Variants in PARP12 observed in about 807,000 individuals in gnomAD.
PARP12 encodes poly(ADP-ribose) polymerase family member 12.
PARP12 carries 59 observed loss-of-function variants against 72.4 expected under a neutral mutation model. The ratio of observed to expected loss-of-function variants is 0.81; its 90% confidence interval spans 0.66 to 1.01. The LOEUF (loss-of-function observed/expected upper bound fraction) is 1.01, where lower values mean the gene tolerates loss of function less well. Among genes scored for constraint, PARP12 ranks in the 50% least tolerant of loss-of-function variants. PARP12 has a pLI of 0.00. For synonymous variants in PARP12, 403 were observed against 371.4 expected (o/e 1.09, Z -0.98); for missense variants, 851 against 914.0 (o/e 0.93, Z 0.89).
intron 5 of PARP12, among the ~76,000 whole-genome samples, 155 bp from the exon 6 acceptor site, chr7:140,041,994 G>C (rs1816495731): frequency 1.3e-5 from 2 of 152,152 alleles, no homozygotes; most frequent in African/African-American, 4.8e-5. Flanking sequence ...TGCTTTTTCA[G>C]ATCAGTTTTG....
At chr7:140,047,138 T>C (rs1816764489) in intron 4 of PARP12, 131 bp from the exon 5 acceptor site, 4 of 1,047,318 alleles carry the variant, frequency 3.8e-6, no homozygotes, top group Non-Finnish European at 5.3e-6. Context: ...AGTCTGTTTT[T>C]TCAGTGCCGG....
Position 140,043,790 on chromosome 7 carries a change from C to A in PARP12, c.987-1951G>T, listed in dbSNP as rs544824417. Among the ~76,000 whole-genome samples, 191 of 152,290 alleles carry A rather than the reference C, an allele frequency of 1.3e-3. 1 individual carries two copies. Among genetic ancestry groups the A allele is most frequent in the African/African-American group, 4.4e-3 (183 of 41,542 alleles). On this transcript the variant is annotated intron_variant, in intron 5 of 11. Coordinates refer to ENST00000263549, the MANE Select transcript of PARP12 (RefSeq NM_022750.4). Reference sequence around the variant, plus strand: ...CAAGCCATCCGCCCTCCTCAGCCTCCCAAAGTGCTGGGATTACACGCGTGA... The same window carrying A: ...CAAGCCATCCGCCCTCCTCAGCCTCACAAAGTGCTGGGATTACACGCGTGA...
chr7:140,053,602 G>T (rs1161488919), intron 4 of PARP12, among the ~76,000 whole-genome samples: 1 of 151,954 alleles, frequency 6.6e-6, no homozygotes, highest in Admixed American at 6.5e-5. Flanking sequence ...CAGTAATATT[G>T]CTTTCAGAAT....
At chr7:140,027,236 G>A (rs779451515) in intron 10 of PARP12, 40 bp downstream of exon 10, 36 of 1,603,432 alleles carry the variant, frequency 2.2e-5, no homozygotes, top group Non-Finnish European at 2.9e-5. Flanking sequence ...GGTGTGAAGG[G>A]ACAGAGTCAC....
At chr7:140,026,485 T>A (rs2116511389) in intron 10 of PARP12, 137 bp from the exon 11 acceptor site, 1 of 1,078,876 alleles carries the variant, frequency 9.3e-7, no homozygotes, top group Admixed American at 4.1e-5. Context: ...CAGGCTACCC[T>A]GACTAGGCCT....
intron 6 of PARP12, among the ~76,000 whole-genome samples, chr7:140,040,896 T>C (rs10272320): frequency 0.053 from 8,048 of 152,240 alleles, 255 homozygotes; most frequent in South Asian, 0.12. Context: ...GTCTCCCGAG[T>C]AGCTGGGACC....
intron 5 of PARP12, among the ~76,000 whole-genome samples, chr7:140,045,029 C>CTT (rs71520068): frequency 2.8e-5 from 4 of 141,760 alleles, no homozygotes; most frequent in African/African-American, 2.6e-5. Context: ...GCATCTTTTT[C>CTT]TTTTTTTTTT....
chr7:140,027,377 C>G lies in PARP12; in HGVS notation c.1527G>C (p.Glu509Asp). ...QKITLSSSSE[E>D]YQKVWNLFNR... ...TAAAGAGGTTCCAGACCTTCTGATA[C>G]TCTTCCGAGGAAGAACTAAGGGTGA... Residue 509 changes from glutamate to aspartate, a missense_variant, in exon 10 of 12, where the codon GAG becomes GAC. Transcript: ENST00000263549. 6.2e-7 allele frequency: 1 copy of G among 1,614,072 alleles called. No homozygotes were observed. The highest frequency in any genetic ancestry group is 8.5e-7 in the Non-Finnish European group (1 of 1,179,932).
At chr7:140,055,630 T>A (rs1456039188) in intron 3 of PARP12, among the ~76,000 whole-genome samples, 2 of 152,232 alleles carry the variant, frequency 1.3e-5, no homozygotes, top group African/African-American at 4.8e-5. Flanking sequence ...CCGACGATGG[T>A]GACTGCTCTT....
chr7:140,028,631 C>A lies in PARP12; in HGVS notation c.1479G>T (p.Leu493=). 6.3e-7 allele frequency: 1 copy of A among 1,599,362 alleles called. No homozygotes were observed. The highest frequency in any genetic ancestry group is 1.7e-5 in the Admixed American group (1 of 58,264). ...SIPDYWDSSA[L]PDPGFQKITL... is the part of the protein sequence containing the mutation. ...CCCCTACCTGAAAGCCTGGGTCTGGCAGGGCAGAGGAGTCCCAATAGTCTG... is the reference window on the plus strand; with the variant it reads ...CCCCTACCTGAAAGCCTGGGTCTGGAAGGGCAGAGGAGTCCCAATAGTCTG... The change falls in exon 9 of 12, where the codon CTG becomes CTT. Residue 493 remains leucine, a synonymous_variant. Transcript: ENST00000263549.
chr7:140,026,355 T>C lies in PARP12; in HGVS notation c.1629-7A>G, dbSNP rs1815738314. 1 of 1,606,782 alleles carries C rather than the reference T, an allele frequency of 6.2e-7. No homozygotes were observed. The stretch of plus-strand genomic sequence containing the variant: ...CTGCATCTGTCCTTTTTGCCTAGAA[T>C]CACAGAAGAATGTGTGCTGGGGGCA... On this transcript the variant is annotated splice_polypyrimidine_tract_variant and splice_region_variant and intron_variant, in intron 10 of 11. Coordinates refer to ENST00000263549, the MANE Select transcript of PARP12 (RefSeq NM_022750.4).
At chr7:140,052,732 TTGTGTGTGTGTGTGTGTGTG>T in intron 4 of PARP12, among the ~76,000 whole-genome samples, 1 of 145,706 alleles carries the variant, frequency 6.9e-6, no homozygotes. Flanking sequence ...AAGACCCCTT[TTGTGTGTGTGTGTGTGTGTG>T]TGTGTGTGTG....
At chr7:140,057,500 C>G in intron 2 of PARP12, 1 of 321,310 alleles carries the variant, frequency 3.1e-6, no homozygotes, top group Non-Finnish European at 5.4e-6. Flanking sequence ...CACACTGACT[C>G]ATCAACTCTC....
intron 3 of PARP12, among the ~76,000 whole-genome samples, chr7:140,056,424 T>C (rs1817178935): frequency 6.6e-6 from 1 of 152,182 alleles, no homozygotes; most frequent in Non-Finnish European, 1.5e-5. Flanking sequence ...TATGCTTCTT[T>C]CACTCATTTT....
chr7:140,061,661 C>T (rs1359614411), intron 1 of PARP12, among the ~76,000 whole-genome samples: 2 of 152,144 alleles, frequency 1.3e-5, no homozygotes, highest in African/African-American at 2.4e-5. Flanking sequence ...CAGGGTGAGG[C>T]CCAAATTCTT....
At chr7:140,057,285 T>C (rs1817227362) in intron 2 of PARP12, 132 bp from the exon 3 acceptor site, 1 of 865,162 alleles carries the variant, frequency 1.2e-6, no homozygotes, top group Non-Finnish European at 1.8e-6. Flanking sequence ...AACACAGCTA[T>C]TACATCCCTC....
At chr7:140,026,025 C>T (rs778969079) in intron 11 of PARP12, among the ~76,000 whole-genome samples, 172 bp downstream of exon 11, 2 of 152,222 alleles carry the variant, frequency 1.3e-5, no homozygotes, top group Non-Finnish European at 2.9e-5. Context: ...CTGACCATGC[C>T]CAGAGGAGCA....
At chr7:140,049,456 CT>C (rs961037907) in intron 4 of PARP12, among the ~76,000 whole-genome samples, 1 of 152,178 alleles carries the variant, frequency 6.6e-6, no homozygotes, top group Non-Finnish European at 1.5e-5. Context: ...TGTTCCCTCC[CT>C]GAAAGGCATT....
intron 8 of PARP12, chr7:140,033,924 T>C (rs2116537369): frequency 3.9e-6 from 4 of 1,024,998 alleles, no homozygotes; most frequent in South Asian, 8.2e-5. Flanking sequence ...TATGACTCAA[T>C]GATTCCACAG....
Sources: allele counts gnomAD v4.1 joint callset (sites outside exome capture counted in the v4.1 genomes callset), GRCh38; gene constraint gnomAD v4.1.1; transcripts MANE v1.5; gene names NCBI Gene and HGNC (gene_info 2026-07-23, HGNC 2026-07-21).